The following SLIT3 variants were observed in gnomAD, a reference collection of about 807,000 sequenced individuals.
The protein encoded by SLIT3 is slit homolog 3 protein.
In SLIT3, 68 loss-of-function variants were observed where a neutral mutation model predicts 184.0. That is an observed-to-expected ratio of 0.37 (90% CI 0.30 to 0.45). The LOEUF is 0.45. Ranked by LOEUF, SLIT3 falls within the 20% of genes least tolerant of loss-of-function variation. The probability of loss-of-function intolerance (pLI) is 1.00; values close to 1 mark genes in which losing one functional copy is unlikely to be tolerated. For synonymous variants in SLIT3, 831 were observed against 828.6 expected (o/e 1.00, Z -0.05); for missense variants, 1,707 against 2,026.0 (o/e 0.84, Z 3.02).
At chr5:168,751,799 A>G (rs1430180425) in intron 18 of SLIT3, among the ~76,000 whole-genome samples, 1 of 149,914 alleles carries the variant, frequency 6.7e-6, no homozygotes, top group Non-Finnish European at 1.5e-5. Context: ...GTGCAGTGGC[A>G]CAATCTCGAG....
intron 4 of SLIT3, among the ~76,000 whole-genome samples, chr5:169,049,500 A>G (rs1167134570): frequency 6.6e-6 from 1 of 152,214 alleles, no homozygotes; most frequent in Non-Finnish European, 1.5e-5. Context: ...CTACATAAAC[A>G]AGAAAGACCA....
chr5:169,258,490 C>T (rs1766054000), intron 1 of SLIT3, among the ~76,000 whole-genome samples: 1 of 152,200 alleles, frequency 6.6e-6, no homozygotes, highest in African/African-American at 2.4e-5. Flanking sequence ...GGAGGAAGAG[C>T]TTTCTTGCTG....
intron 4 of SLIT3, among the ~76,000 whole-genome samples, chr5:168,930,997 C>G (rs887430320): frequency 6.6e-6 from 1 of 152,214 alleles, no homozygotes; most frequent in African/African-American, 2.4e-5. Flanking sequence ...CGTCACAGGT[C>G]TGGCAATGCC....
intron 9 of SLIT3, among the ~76,000 whole-genome samples, chr5:168,802,539 T>C (rs1484910421): frequency 6.6e-6 from 1 of 152,228 alleles, no homozygotes; most frequent in Non-Finnish European, 1.5e-5. Context: ...AGGGGCAGTC[T>C]TATTTACATA....
chr5:168,969,387 G>A (rs559161420), intron 4 of SLIT3, among the ~76,000 whole-genome samples: 12 of 152,190 alleles, frequency 7.9e-5, no homozygotes, highest in East Asian at 1.9e-4. Context: ...CCTACTGCCC[G>A]GGAGTCAGCG....
At chr5:168,819,048 TCA>T (rs1757433388) in intron 7 of SLIT3, among the ~76,000 whole-genome samples, 1 of 152,266 alleles carries the variant, frequency 6.6e-6, no homozygotes, top group South Asian at 2.1e-4. Flanking sequence ...GCACACACTT[TCA>T]CAGGCTCCTG....
intron 4 of SLIT3, among the ~76,000 whole-genome samples, chr5:168,884,282 T>A (rs1561986165): frequency 6.6e-6 from 1 of 151,414 alleles, no homozygotes; most frequent in Non-Finnish European, 1.5e-5. Context: ...CCAGGCCTCC[T>A]TCCAGGCTGT....
chr5:168,668,886 C>T (rs1410690587), intron 35 of SLIT3, among the ~76,000 whole-genome samples: 1 of 152,242 alleles, frequency 6.6e-6, no homozygotes, highest in Non-Finnish European at 1.5e-5. Flanking sequence ...TCTCTTGCCT[C>T]GCCTCCAGCA....
intron 35 of SLIT3, chr5:168,666,937 G>T: frequency 3.2e-6 from 2 of 632,170 alleles, no homozygotes; most frequent in Non-Finnish European, 5.6e-6. Flanking sequence ...AGCAGGCTTG[G>T]TCCCTTCCTT....
chr5:168,839,503 G>A (rs1758169458), intron 6 of SLIT3, among the ~76,000 whole-genome samples: 1 of 152,154 alleles, frequency 6.6e-6, no homozygotes. Flanking sequence ...CAGAGAAGCT[G>A]GAAATCTGGG....
At chr5:168,747,277 G>C (rs556212444) in intron 20 of SLIT3, among the ~76,000 whole-genome samples, 1 of 152,230 alleles carries the variant, frequency 6.6e-6, no homozygotes, top group African/African-American at 2.4e-5. Context: ...CTCTCTTTTT[G>C]TAGCATTTTT....
intron 4 of SLIT3, among the ~76,000 whole-genome samples, chr5:168,944,193 C>A (rs1195181385): frequency 6.6e-6 from 1 of 152,120 alleles, no homozygotes; most frequent in Non-Finnish European, 1.5e-5. Flanking sequence ...TGGTTTGAGT[C>A]TGCCCACCCC....
chr5:169,267,374 T>C (rs750676959), intron 1 of SLIT3, among the ~76,000 whole-genome samples: 13 of 152,214 alleles, frequency 8.5e-5, no homozygotes, highest in Non-Finnish European at 1.3e-4. Context: ...CTTACTGGGC[T>C]CCAGGGCCAT....
In SLIT3 at chr5:168,671,221, G is replaced by C. The variant is rs756552672; in HGVS notation, c.4104C>G (p.Ala1368=). 2 of 1,610,226 alleles carry C rather than the reference G, an allele frequency of 1.2e-6. No homozygotes were observed. The highest frequency in any genetic ancestry group is 2.2e-5 in the South Asian group (2 of 90,978). ...GWTGPLCDQE[A]RDPCLGHRCH... is the part of the protein sequence containing the mutation. ...ACCTGTGGCCGAGGCAGGGGTCCCG[G>C]GCCTCCTGATCGCAGAGTGGGCCGG... is the stretch of plus-strand genomic sequence containing the variant. Residue 1368 remains alanine, a synonymous_variant, in exon 34 of 36, where the codon GCC becomes GCG. Coordinates refer to ENST00000519560, the MANE Select transcript of SLIT3 (RefSeq NM_003062.4).
chr5:168,908,963 T>G (rs1375091429), intron 4 of SLIT3, among the ~76,000 whole-genome samples: 1 of 152,172 alleles, frequency 6.6e-6, no homozygotes, highest in Non-Finnish European at 1.5e-5. Context: ...TATCCCCTAC[T>G]TGGATGTGTG....
chr5:168,797,673 T>A (rs1756615223), intron 9 of SLIT3, among the ~76,000 whole-genome samples: 9 of 152,212 alleles, frequency 5.9e-5, no homozygotes, highest in Admixed American at 5.9e-4. Context: ...CAAATTTTAT[T>A]GCTACCATAA....
intron 1 of SLIT3, among the ~76,000 whole-genome samples, chr5:169,260,564 G>A (rs963543142): frequency 1.6e-4 from 25 of 152,178 alleles, no homozygotes; most frequent in African/African-American, 6.0e-4. Context: ...ATTTCTTCTG[G>A]CTTAGAGGTG....
At chr5:168,843,083 C>G (rs1297064042) in intron 6 of SLIT3, among the ~76,000 whole-genome samples, 1 of 152,160 alleles carries the variant, frequency 6.6e-6, no homozygotes, top group Non-Finnish European at 1.5e-5. Flanking sequence ...GAGAGACAAT[C>G]TATCTCAGAA....
chr5:169,024,492 A>T (rs906682323), intron 4 of SLIT3: 1 of 152,152 alleles, frequency 6.6e-6, no homozygotes, highest in African/African-American at 2.4e-5. Context: ...TTCCTGCCGG[A>T]AGTTGCTGAA....
Sources: allele counts gnomAD v4.1 joint callset (sites outside exome capture counted in the v4.1 genomes callset), GRCh38; gene constraint gnomAD v4.1.1; transcripts MANE v1.5; gene names NCBI Gene and HGNC (gene_info 2026-07-23, HGNC 2026-07-21).